DSTYK: variants seen among roughly 807,000 people sequenced by gnomAD.
The protein encoded by DSTYK is dual serine/threonine and tyrosine protein kinase, also known as RIP-homologous kinase.
A neutral mutation model predicts 98.7 loss-of-function variants in DSTYK; 34 were observed. That is an observed-to-expected ratio of 0.34 (90% CI 0.26 to 0.46). The LOEUF (loss-of-function observed/expected upper bound fraction) is 0.46, where lower values mean the gene tolerates loss of function less well. DSTYK is among the 20% of genes least tolerant of loss of function. DSTYK has a pLI of 1.00. For missense variants in DSTYK, 962 were observed against 1,181.7 expected, an observed-to-expected ratio of 0.81 and a Z score of 2.73; for synonymous variants, 462 against 457.3, an observed-to-expected ratio of 1.01 and a Z score of -0.13.
intron 1 of DSTYK, among the ~76,000 whole-genome samples, chr1:205,207,080 C>CT (rs34237326): frequency 0.49 from 68,286 of 140,650 alleles, 19,098 homozygotes; most frequent in Non-Finnish European, 0.63. Context: ...ACTCCAGTAT[C>CT]TTTTTTTTTT....
chr1:205,148,284 G>T lies in DSTYK; in HGVS notation c.2523C>A (p.Ile841=). ...CAGGGAGCTTGACAGAGCCTGAGCAGATATACCAGAAAAGAATTCCAAAAG... is the reference window on the plus strand; with the variant it reads ...CAGGGAGCTTGACAGAGCCTGAGCATATATACCAGAAAAGAATTCCAAAAG... The part of the protein sequence containing the change: ...VYAFGILFWY[I]CSGSVKLPEA... The change falls in exon 12 of 13, where the codon ATC becomes ATA. Residue 841 remains isoleucine (I), a synonymous_variant. Coordinates refer to ENST00000367162, the MANE Select transcript of DSTYK (RefSeq NM_015375.3). 2 of 1,614,072 alleles carry T rather than the reference G, an allele frequency of 1.2e-6. No homozygotes were observed. The highest frequency in any genetic ancestry group is 1.1e-5 in the South Asian group (1 of 91,078).
Position 205,169,308 on chromosome 1 carries a change from A to G in DSTYK, c.1179T>C (p.Tyr393=), listed in dbSNP as rs1236131748. The G allele has an allele frequency of 1.2e-6, 2 of 1,613,938 alleles. No homozygotes were observed. The highest frequency in any genetic ancestry group is 1.1e-5 in the South Asian group (1 of 91,086). ...DLQITPKRLE[Y]TRKKENELYE... Reference sequence around the variant, plus strand: ...ACAACTCATTCTCCTTTTTTCGAGTATATTCCAGACGTTTGGGAGTGATCT... The same window carrying G: ...ACAACTCATTCTCCTTTTTTCGAGTGTATTCCAGACGTTTGGGAGTGATCT... Residue 393 remains tyrosine, a synonymous_variant, in exon 3 of 13, where the codon TAT becomes TAC. Coordinates refer to ENST00000367162, the MANE Select transcript of DSTYK (RefSeq NM_015375.3). The surrounding 1 kb of genome is among the most constrained non-coding windows in gnomAD (Gnocchi z 4.0).
rs1183804343 is a variant in DSTYK at position 205,169,721 on chromosome 1, C to T, written c.766G>A (p.Glu256Lys). The T allele has an allele frequency of 1.2e-6, 2 of 1,614,108 alleles. No homozygotes were observed. Among genetic ancestry groups the T allele is most frequent in the African/African-American group, 2.7e-5 (2 of 74,950 alleles). The change falls in exon 3 of 13, where the codon GAA becomes AAA. Residue 256 changes from glutamate to lysine, a missense_variant. Coordinates refer to ENST00000367162, the MANE Select transcript of DSTYK (RefSeq NM_015375.3). This position sits in a 1 kb window ranked among gnomAD's most constrained non-coding sequence, Gnocchi z 4.0. Reference protein sequence around the residue: ...PVITYALHKDELSERDEQELQ... With the variant: ...PVITYALHKDKLSERDEQELQ... The stretch of plus-strand genomic sequence containing the variant: ...TCTTGCTCATCCCTCTCAGAGAGTT[C>T]ATCTTTGTGGAGTGCATAGGTTATC...
intron 1 of DSTYK, among the ~76,000 whole-genome samples, chr1:205,205,003 T>C (rs1373557506): frequency 6.6e-6 from 1 of 152,178 alleles, no homozygotes; most frequent in African/African-American, 2.4e-5. Context: ...TTTTGGCCAC[T>C]GAATGCTGCT....
Position 205,211,433 on chromosome 1 carries a change from G to A in DSTYK, c.103C>T (p.Arg35Cys), listed in dbSNP as rs1431767340. The A allele has an allele frequency of 6.2e-7, 1 of 1,605,696 alleles. No individual in the cohort carries two copies. Among genetic ancestry groups the A allele is most frequent in the African/African-American group, 1.3e-5 (1 of 74,866 alleles). The change falls in exon 1 of 13, where the codon CGC becomes TGC. Residue 35 changes from arginine (R) to cysteine (C), a missense_variant. By Grantham distance (180) the Arg-to-Cys change is radical. Transcript: ENST00000367162. ...TGTCGCAGCCGTCCCAGGTAGCGGC[G>A]GTAGCGGCCGAAGCCCCGGCACAGC... ...RELCRGFGRYRRYLGRLRQNL... is the reference protein window; with the variant it reads ...RELCRGFGRYCRYLGRLRQNL...
In DSTYK at chr1:205,211,371, G is replaced by C. The variant is rs749146065; in HGVS notation, c.165C>G (p.Ile55Met). The stretch of plus-strand genomic sequence containing the variant: ...GACAAGTGTGGTTGTGGGAGCACTT[G>C]ATGTCGCGGAAGAACTTCTGGGTCT... The part of the protein sequence containing the change: ...LRETQKFFRD[I>M]KCSHNHTCLS... The change falls in exon 1 of 13, where the codon ATC (isoleucine) becomes ATG (methionine). Residue 55 changes from isoleucine (I) to methionine (M), a missense_variant. Ile to Met is a conservative substitution (Grantham distance 10). Coordinates refer to ENST00000367162, the MANE Select transcript of DSTYK (RefSeq NM_015375.3). The C allele has an allele frequency of 3.5e-5, 56 of 1,612,546 alleles. No individual in the cohort carries two copies. The highest frequency in any genetic ancestry group is 4.4e-5 in the Non-Finnish European group (52 of 1,179,536).
chr1:205,199,566 T>G (rs769953180), intron 1 of DSTYK, among the ~76,000 whole-genome samples: 1 of 152,178 alleles, frequency 6.6e-6, no homozygotes, highest in Non-Finnish European at 1.5e-5. Context: ...CCAAACTCCC[T>G]GTGTGACAAA....
Position 205,211,524 on chromosome 1 carries a change from G to C in DSTYK, c.12C>G (p.Asp4Glu). Residue 4 changes from aspartate to glutamate, a missense_variant, in exon 1 of 13, where the codon GAC (aspartate) becomes GAG (glutamate). By Grantham distance (45) the Asp-to-Glu change is conservative (BLOSUM62 2). Transcript: ENST00000367162. MEG[D>E]GVPWGSEPVS... ...CGGGCTCGCTGCCCCATGGCACCCC[G>C]TCGCCCTCCATCGCCTCTGCCCGCT... 1.3e-6 allele frequency: 2 copies of C among 1,547,580 alleles called. No homozygotes were observed. Among genetic ancestry groups the C allele is most frequent in the South Asian group, 1.2e-5 (1 of 82,422 alleles).
intron 2 of DSTYK, among the ~76,000 whole-genome samples, chr1:205,186,558 C>G (rs976175915): frequency 2.2e-4 from 33 of 152,310 alleles, no homozygotes; most frequent in African/African-American, 7.5e-4. Flanking sequence ...GCCAAACTAG[C>G]CCATCCTTCC....
In DSTYK at chr1:205,157,440, C is replaced by A. The variant is rs554175103; in HGVS notation, c.2239-54G>T. On this transcript the variant is annotated intron_variant, in intron 9 of 12. Transcript: ENST00000367162. Reference sequence around the variant, plus strand: ...ATGATAAGGCAACTCCTCAATTCAACTGACTATACTAGGGCACATGAGGAC... The same window carrying A: ...ATGATAAGGCAACTCCTCAATTCAAATGACTATACTAGGGCACATGAGGAC... 13 of 1,418,382 alleles carry A rather than the reference C, an allele frequency of 9.2e-6. No homozygotes were observed. In the Admixed American group the frequency reaches 1.5e-4, roughly 17 times the overall value. The allele number at this position is 1,418,382 out of a possible 1,614,324, so 87.9% of individuals were successfully genotyped here. A position where few individuals can be genotyped will look rare whatever the true frequency, so the allele number is the denominator to read the frequency against.
intron 4 of DSTYK, among the ~76,000 whole-genome samples, chr1:205,163,226 T>A (rs76104352): frequency 2.6e-5 from 4 of 151,900 alleles, no homozygotes; most frequent in South Asian, 2.1e-4. Flanking sequence ...TTTATTTTTT[T>A]TTTTATTTTT....
intron 3 of DSTYK, among the ~76,000 whole-genome samples, chr1:205,164,697 G>A (rs1657836489): frequency 6.6e-6 from 1 of 152,060 alleles, no homozygotes; most frequent in Non-Finnish European, 1.5e-5. Context: ...TCCTGACCTC[G>A]TGATCTGCCC....
At chr1:205,202,103 G>C in intron 1 of DSTYK, 1 of 419,904 alleles carries the variant, frequency 2.4e-6, no homozygotes, top group Non-Finnish European at 4.7e-6. Context: ...GGAAGGGAGA[G>C]GGGGAAGGGA....
rs1306927503 is a variant in DSTYK, at chr1:205,202,154, G to C, written c.265+9117C>G. 4 of 537,302 alleles carry C rather than the reference G, an allele frequency of 7.4e-6. No homozygotes were observed. In the East Asian group the frequency reaches 1.5e-4, roughly 20 times the overall value. 33.3% of individuals were successfully genotyped at this position (537,302 alleles called of 1,614,324 possible). A position where few individuals can be genotyped will look rare whatever the true frequency, so the allele number is the denominator to read the frequency against. On this transcript the variant is annotated intron_variant, in intron 1 of 12. Transcript: ENST00000367162. Reference sequence around the variant, plus strand: ...GGAAGGGGAAGGGGAAGGGGAAGGGGCTTCTTCCCCTACGTGGCCTGAGGT... The same window carrying C: ...GGAAGGGGAAGGGGAAGGGGAAGGGCCTTCTTCCCCTACGTGGCCTGAGGT...
At chr1:205,202,211 C>T (rs1357671764) in intron 1 of DSTYK, 2 of 573,724 alleles carry the variant, frequency 3.5e-6, no homozygotes, top group African/African-American at 3.8e-5. Flanking sequence ...ATTCACTTGA[C>T]CCAGAGAACC....
At chr1:205,176,481 A>T (rs1229527977) in intron 2 of DSTYK, among the ~76,000 whole-genome samples, 1 of 63,366 alleles carries the variant, frequency 1.6e-5, no homozygotes, top group Non-Finnish European at 3.9e-5. Context: ...CCTCTTAAAA[A>T]AAAAAAAAAA....
chr1:205,173,989 G>A (rs1447623677), intron 2 of DSTYK, among the ~76,000 whole-genome samples: 4 of 151,994 alleles, frequency 2.6e-5, no homozygotes, highest in African/African-American at 7.2e-5. Context: ...CAAAGTGCTG[G>A]GATTATAGGC....
intron 12 of DSTYK, 75 bp from the exon 13 acceptor site, chr1:205,147,820 G>T: frequency 6.7e-7 from 1 of 1,485,782 alleles, no homozygotes; most frequent in Non-Finnish European, 9.3e-7. Context: ...CCAGCTCAAA[G>T]GCTGACTTCC....
In DSTYK at chr1:205,169,291, T is replaced by C; in HGVS notation, c.1196A>G (p.Asn399Ser). ...ATTCATCAATGATTCATACAACTCATTCTCCTTTTTTCGAGTATATTCCAG... is the reference window on the plus strand; with the variant it reads ...ATTCATCAATGATTCATACAACTCACTCTCCTTTTTTCGAGTATATTCCAG... ...KRLEYTRKKE[N>S]ELYESLMNIA... Residue 399 changes from asparagine to serine, a missense_variant, in exon 3 of 13, where the codon AAT becomes AGT. Transcript: ENST00000367162. The surrounding 1 kb of genome is among the most constrained non-coding windows in gnomAD (Gnocchi z 4.0). 2 of 1,614,166 alleles carry C rather than the reference T, an allele frequency of 1.2e-6. No homozygotes were observed. Among genetic ancestry groups the C allele is most frequent in the South Asian group, 2.2e-5 (2 of 91,080 alleles).
Sources: allele counts gnomAD v4.1 joint callset (sites outside exome capture counted in the v4.1 genomes callset), GRCh38; gene constraint gnomAD v4.1.1; non-coding constraint Gnocchi (gnomAD v3.1); transcripts MANE v1.5; gene names NCBI Gene and HGNC (gene_info 2026-07-23, HGNC 2026-07-21).